The following PLCZ1 variants were observed in gnomAD, a reference collection of about 807,000 sequenced individuals.
The protein encoded by PLCZ1 is phospholipase C zeta 1.
Under a neutral mutation model 76.8 loss-of-function variants are expected in PLCZ1, and 64 were observed. The observed-to-expected ratio is 0.83, with a 90% CI of 0.68 to 1.03. The LOEUF (loss-of-function observed/expected upper bound fraction) is 1.03. PLCZ1 is among the 50% of genes least tolerant of loss of function. The pLI, the probability that PLCZ1 is intolerant of heterozygous loss-of-function variation, is 0.00. For missense variants in PLCZ1, 751 were observed against 713.7 expected (o/e 1.05, Z -0.60); for synonymous variants, 248 against 230.8 (o/e 1.07, Z -0.68).
chr12:18,719,037 G>C (rs1247933556), intron 5 of PLCZ1, among the ~76,000 whole-genome samples: 1 of 152,150 alleles, frequency 6.6e-6, no homozygotes, highest in East Asian at 1.9e-4. Context: ...TTTAGTTATA[G>C]TATGTGTCCT....
Position 18,737,990 on chromosome 12 carries a change from G to C in PLCZ1, c.-197C>G. The C allele has an allele frequency of 2.3e-6, 1 of 438,344 alleles. No individual in the cohort carries two copies. The highest frequency in any genetic ancestry group is 3.7e-5 in the East Asian group (1 of 26,978). The allele number at this position is 438,344 out of a possible 1,614,324, so 27.2% of individuals were successfully genotyped here. ...TCTTAAAATCTTCAAAAGAGGTATAGCTGGTTGGCTGGGCACCACACTGTC... is the reference window on the plus strand; with the variant it reads ...TCTTAAAATCTTCAAAAGAGGTATACCTGGTTGGCTGGGCACCACACTGTC... On this transcript the variant is annotated 5_prime_UTR_variant, in exon 1 of 15. Coordinates refer to ENST00000266505, the MANE Select transcript of PLCZ1 (RefSeq NM_033123.4).
At chr12:18,695,739 G>T (rs11044255) in intron 11 of PLCZ1, among the ~76,000 whole-genome samples, 63,814 of 151,896 alleles carry the variant, frequency 0.42, 13,779 homozygotes, top group Middle Eastern at 0.49. Flanking sequence ...AACCAAGTTA[G>T]GCAATCTTAT....
chr12:18,712,919 C>A lies in PLCZ1; in HGVS notation c.637G>T (p.Val213Leu). The stretch of plus-strand genomic sequence containing the variant: ...CTTGTGAGTGTGTAGCCATGATATA[C>A]AACAGGTTCATTTTGTGCTCCATCC... Reference protein sequence around the residue: ...CWDGAQNEPVVYHGYTLTSKL... With the variant: ...CWDGAQNEPVLYHGYTLTSKL... The change falls in exon 6 of 15, where the codon GTA (valine) becomes TTA (leucine). Residue 213 changes from valine (V) to leucine (L), a missense_variant. Coordinates refer to ENST00000266505, the MANE Select transcript of PLCZ1 (RefSeq NM_033123.4). The A allele has an allele frequency of 6.2e-7, 1 of 1,613,956 alleles. No individual in the cohort carries two copies. Among genetic ancestry groups the A allele is most frequent in the South Asian group, 1.1e-5 (1 of 91,070 alleles).
intron 6 of PLCZ1, among the ~76,000 whole-genome samples, chr12:18,712,312 A>G (rs969868468): frequency 1.3e-5 from 2 of 152,164 alleles, no homozygotes; most frequent in Admixed American, 6.6e-5. Context: ...AGTAGGATTC[A>G]TAAACTGAGC....
chr12:18,670,558 A>C, the PLCZ1 span, among the ~76,000 whole-genome samples: 1 of 152,324 alleles, frequency 6.6e-6, no homozygotes, highest in African/African-American at 2.4e-5. Flanking sequence ...CCAGGGATTG[A>C]TATGAGGGTT....
intron 7 of PLCZ1, among the ~76,000 whole-genome samples, chr12:18,703,544 C>T (rs761380676): frequency 6.6e-6 from 1 of 152,118 alleles, no homozygotes; most frequent in African/African-American, 2.4e-5. Flanking sequence ...TTTATTCAAA[C>T]CCTGACTAAA....
intron 12 of PLCZ1, chr12:18,693,397 A>T (rs1954442085): frequency 1.2e-6 from 2 of 1,604,668 alleles, no homozygotes; most frequent in Non-Finnish European, 1.7e-6. Flanking sequence ...CCTCTCACCC[A>T]TCCTGAATAT....
At chr12:18,657,415 A>G in the PLCZ1 span, among the ~76,000 whole-genome samples, 3 of 152,054 alleles carry the variant, frequency 2.0e-5, no homozygotes, top group Non-Finnish European at 4.4e-5. Flanking sequence ...GGCTCTATGA[A>G]AGCACAAATG....
At chr12:18,735,499 C>A (rs1959197541) in intron 3 of PLCZ1, among the ~76,000 whole-genome samples, 1 of 152,136 alleles carries the variant, frequency 6.6e-6, no homozygotes, top group African/African-American at 2.4e-5. Flanking sequence ...CTTGGCCTCT[C>A]AAAGCATTGG....
At chr12:18,702,566 A>T (rs1362193785) in intron 7 of PLCZ1, among the ~76,000 whole-genome samples, 2 of 152,080 alleles carry the variant, frequency 1.3e-5, no homozygotes, top group Admixed American at 6.6e-5. Context: ...AAATTATTCC[A>T]TCATCTTGGG....
At chr12:18,669,743 C>T in the PLCZ1 span, among the ~76,000 whole-genome samples, 7 of 152,048 alleles carry the variant, frequency 4.6e-5, no homozygotes, top group Non-Finnish European at 7.4e-5. Flanking sequence ...CTGCAACCTC[C>T]GCCTCCTGGG....
At chr12:18,652,283 C>T in the PLCZ1 span, among the ~76,000 whole-genome samples, 23 of 152,014 alleles carry the variant, frequency 1.5e-4, no homozygotes, top group Middle Eastern at 3.2e-3. Context: ...GACTGATATA[C>T]TTATGAAAGG....
intron 7 of PLCZ1, 84 bp downstream of exon 7, chr12:18,705,082 A>G: frequency 6.6e-7 from 1 of 1,515,698 alleles, no homozygotes; most frequent in African/African-American, 1.4e-5. Flanking sequence ...ATTGGTCTCT[A>G]GCCCAGTTTC....
the PLCZ1 span, among the ~76,000 whole-genome samples, chr12:18,664,768 C>T: frequency 3.3e-5 from 5 of 151,330 alleles, 1 homozygote; most frequent in South Asian, 6.3e-4. Context: ...AAATGTCCAA[C>T]AATGATAGAC....
chr12:18,681,803 T>C (rs183595296), downstream of PLCZ1, among the ~76,000 whole-genome samples: 228 of 152,180 alleles, frequency 1.5e-3, 1 homozygote, highest in African/African-American at 5.3e-3. Flanking sequence ...ATCCTTTTTC[T>C]CTCTCATTTC....
At chr12:18,737,645 C>T (rs894872242) in intron 1 of PLCZ1, 136 bp from the exon 2 acceptor site, 47 of 560,046 alleles carry the variant, frequency 8.4e-5, no homozygotes, top group Non-Finnish European at 1.4e-4. Flanking sequence ...TGGCTTCTTA[C>T]GTTCTGACCA....
At chr12:18,676,847 G>C in the PLCZ1 span, among the ~76,000 whole-genome samples, 1 of 152,080 alleles carries the variant, frequency 6.6e-6, no homozygotes, top group Non-Finnish European at 1.5e-5. Flanking sequence ...ACACATATAA[G>C]ATTGATCACA....
downstream of PLCZ1, among the ~76,000 whole-genome samples, chr12:18,680,899 T>A (rs146684948): frequency 2.4e-3 from 372 of 152,180 alleles, no homozygotes; most frequent in Middle Eastern, 0.01. Context: ...GAGTAAATCT[T>A]ATCTATATGA....
At position 18,698,242 on chromosome 12, in the gene PLCZ1, C is replaced by CTATTCTA. The variant is rs1955380207; in HGVS notation, c.1174+1551_1174+1552insTAGAATA. Among the ~76,000 whole-genome samples the CTATTCTA allele has an allele frequency of 2.1e-5, 3 of 145,510 alleles. No individual in the cohort carries two copies. The East Asian group carries it at 6.3e-4, about 30-fold the overall frequency. ...TTATTACTGCTTGCAATACACTTTT[C>CTATTCTA]TTCTATTCTATTCTATTCTATTCTA... On this transcript the variant is annotated intron_variant, in intron 10 of 14. Coordinates refer to ENST00000266505, the MANE Select transcript of PLCZ1 (RefSeq NM_033123.4).
Sources: gnomAD v4.1 joint callset for allele counts (sites outside exome capture counted in the v4.1 genomes callset) on GRCh38, gnomAD v4.1.1 for gene constraint, MANE v1.5 for transcripts, NCBI Gene and HGNC (gene_info 2026-07-23, HGNC 2026-07-21) for gene names.